Variants in LRRC72 observed in about 807,000 individuals in gnomAD.
The protein encoded by LRRC72 is leucine-rich repeat-containing protein 72.
Under a neutral mutation model 35.8 loss-of-function variants are expected in LRRC72, and 41 were observed. The ratio of observed to expected loss-of-function variants is 1.15; its 90% CI spans 0.89 to 1.49. The LOEUF is 1.49. LRRC72 is among the 40% of genes most tolerant of loss of function. LRRC72 has a pLI of 0.00. For missense variants in LRRC72, 389 were observed against 330.7 expected (o/e 1.18, Z -1.37); for synonymous variants, 118 against 119.2 (o/e 0.99, Z 0.07).
chr7:16,558,740 A>G (rs1468417306), intron 4 of LRRC72, 149 bp from the exon 5 acceptor site: 2 of 288,894 alleles, frequency 6.9e-6, no homozygotes, highest in Non-Finnish European at 1.3e-5. Flanking sequence ...TATATTATTA[A>G]TAGTTATTCC....
At chr7:16,527,118 C>G (rs1422428708) in intron 1 of LRRC72, 76 bp downstream of exon 1, 1 of 1,182,072 alleles carries the variant, frequency 8.5e-7, no homozygotes, top group Non-Finnish European at 1.2e-6. Flanking sequence ...TGCCTGAGGA[C>G]TCCAGGCAGG....
intron 1 of LRRC72, 145 bp from the exon 2 acceptor site, chr7:16,532,350 C>A: frequency 1.7e-6 from 1 of 598,476 alleles, no homozygotes. Context: ...ATAATTGTAG[C>A]CTTGGAATTT....
intron 7 of LRRC72, among the ~76,000 whole-genome samples, chr7:16,572,526 C>T (rs994349672): frequency 6.6e-6 from 1 of 152,150 alleles, no homozygotes; most frequent in Non-Finnish European, 1.5e-5. Flanking sequence ...TGTAATCCAT[C>T]GCATAAACAG....
chr7:16,568,979 T>C (rs551817542), intron 7 of LRRC72, among the ~76,000 whole-genome samples: 1 of 152,270 alleles, frequency 6.6e-6, no homozygotes, highest in East Asian at 1.9e-4. Context: ...GAGGACAAAA[T>C]TAAGACTTCC....
chr7:16,533,853 G>A lies in LRRC72; in HGVS notation c.164+1285G>A, dbSNP rs543011819. On this transcript the variant is annotated intron_variant, in intron 2 of 8. Transcript: ENST00000401542. Reference sequence around the variant, plus strand: ...GTCATGCTTTGAGCCTCTCGATATAGGTCAGTTAGTTTTAAAATAACAGTA... The same window carrying A: ...GTCATGCTTTGAGCCTCTCGATATAAGTCAGTTAGTTTTAAAATAACAGTA... 1.9e-4 allele frequency among the ~76,000 whole-genome samples: 29 copies of A among 152,146 alleles called. No individual in the cohort carries two copies. In the East Asian group the frequency reaches 5.6e-3, roughly 29 times the overall value.
At chr7:16,574,370 T>C (rs1783001212) in intron 7 of LRRC72, among the ~76,000 whole-genome samples, 1 of 152,196 alleles carries the variant, frequency 6.6e-6, no homozygotes, top group Admixed American at 6.5e-5. Flanking sequence ...TGCAGCACTA[T>C]TTACAATAGC....
chr7:16,565,613 A>G (rs1782817143), intron 5 of LRRC72, among the ~76,000 whole-genome samples: 1 of 152,178 alleles, frequency 6.6e-6, no homozygotes, highest in Non-Finnish European at 1.5e-5. Context: ...AAGGGATATG[A>G]TGTCAAAAGT....
In LRRC72 at chr7:16,558,955, C is replaced by T; in HGVS notation, c.383C>T (p.Ala128Val). Residue 128 changes from alanine to valine, a missense_variant, in exon 5 of 9, where the codon GCA (alanine) becomes GTA (valine). Coordinates refer to ENST00000401542, the MANE Select transcript of LRRC72 (RefSeq NM_001195280.2). ...CACAATGAGCTAACCAACATTGATG[C>T]AACAGTGAAGGAATTAAAGGGAATG... ...LHHNELTNID[A>V]TVKELKGMLN... 1 of 1,535,966 alleles carries T rather than the reference C, an allele frequency of 6.5e-7. No homozygotes were observed. The highest frequency in any genetic ancestry group is 1.2e-5 in the South Asian group (1 of 82,244).
rs187838083 is a variant in LRRC72, at chr7:16,573,983, A to G, written c.671-6091A>G. ...AAAAACACAACCTCATCAAAAAGTGAGTGAAGCATATGAACAGGCACTTCT... is the reference window on the plus strand; with the variant it reads ...AAAAACACAACCTCATCAAAAAGTGGGTGAAGCATATGAACAGGCACTTCT... On this transcript the variant is annotated intron_variant, in intron 7 of 8. Coordinates refer to ENST00000401542, the MANE Select transcript of LRRC72 (RefSeq NM_001195280.2). Among the ~76,000 whole-genome samples, 529 of 152,310 alleles carry G rather than the reference A, an allele frequency of 3.5e-3. 1 individual carries two copies. Among genetic ancestry groups the G allele is most frequent in the Non-Finnish European group, 5.2e-3 (354 of 68,022 alleles).
intron 6 of LRRC72, 25 bp downstream of exon 6, chr7:16,566,427 G>T: frequency 6.8e-7 from 1 of 1,472,882 alleles, no homozygotes; most frequent in South Asian, 1.3e-5. Context: ...TTCTTGCAAA[G>T]AAATATTTGA....
intron 7 of LRRC72, among the ~76,000 whole-genome samples, chr7:16,577,547 A>G (rs1167641585): frequency 6.6e-6 from 1 of 152,244 alleles, no homozygotes; most frequent in African/African-American, 2.4e-5. Context: ...ATGAAAAACA[A>G]TTATATGTAT....
In LRRC72 at chr7:16,574,875, G is replaced by A. The variant is rs368851027; in HGVS notation, c.671-5199G>A. Among the ~76,000 whole-genome samples, 35 of 152,036 alleles carry A rather than the reference G, an allele frequency of 2.3e-4. No individual in the cohort carries two copies. In the East Asian group the frequency reaches 5.0e-3, roughly 22 times the overall value. ...TCACGCTTGTAATCCCAGCACTTTG[G>A]GAGTCCAAGGCAGGCGGATAATTTG... On this transcript the variant is annotated intron_variant, in intron 7 of 8. Transcript: ENST00000401542.
intron 7 of LRRC72, among the ~76,000 whole-genome samples, chr7:16,577,575 CT>C (rs1783063673): frequency 6.6e-6 from 1 of 152,034 alleles, no homozygotes; most frequent in Admixed American, 6.5e-5. Context: ...ATATGTACAA[CT>C]AGTATGTATC....
intron 5 of LRRC72, among the ~76,000 whole-genome samples, chr7:16,560,969 C>T (rs1490621328): frequency 6.6e-6 from 1 of 152,098 alleles, no homozygotes; most frequent in Non-Finnish European, 1.5e-5. Flanking sequence ...ATTAGAATTA[C>T]TCCCTTTAAT....
intron 5 of LRRC72, among the ~76,000 whole-genome samples, chr7:16,561,735 A>G (rs1391845342): frequency 6.6e-6 from 1 of 152,240 alleles, no homozygotes; most frequent in Non-Finnish European, 1.5e-5. Flanking sequence ...TCACATTTTG[A>G]ACTCATGTTC....
chr7:16,567,799 C>T (rs1333495411), intron 7 of LRRC72, among the ~76,000 whole-genome samples: 1 of 151,976 alleles, frequency 6.6e-6, no homozygotes, highest in Non-Finnish European at 1.5e-5. Context: ...TACATTGAAG[C>T]CTCTATCCCA....
intron 6 of LRRC72, among the ~76,000 whole-genome samples, chr7:16,566,863 T>C (rs898784140): frequency 6.6e-6 from 1 of 152,128 alleles, no homozygotes; most frequent in Admixed American, 6.6e-5. Context: ...ATCTTCAAGA[T>C]AGCATGTCAG....
rs180993798 is a variant in LRRC72 at position 16,542,513 on chromosome 7, T to C, written c.234+4817T>C. Among the ~76,000 whole-genome samples, 17 of 152,292 alleles carry C rather than the reference T, an allele frequency of 1.1e-4. No individual in the cohort carries two copies. In the East Asian group the frequency reaches 3.3e-3, roughly 29 times the overall value. On this transcript the variant is annotated intron_variant, in intron 3 of 8. Transcript: ENST00000401542. ...GGCCCAAGGTGGTCCAGGCACAGCT[T>C]GGTTTTATGCATTTTAGGGAGAGGA...
chr7:16,559,054 AT>A, intron 5 of LRRC72, 55 bp downstream of exon 5: 1 of 1,069,864 alleles, frequency 9.3e-7, no homozygotes, highest in Non-Finnish European at 1.4e-6. Flanking sequence ...AACATAAGAC[AT>A]TTTTCCATTT....
Sources: gnomAD v4.1 joint callset for allele counts (sites outside exome capture counted in the v4.1 genomes callset) on GRCh38, gnomAD v4.1.1 for gene constraint, MANE v1.5 for transcripts, NCBI Gene and HGNC (gene_info 2026-07-23, HGNC 2026-07-21) for gene names.